Variants in STAU1 observed in about 807,000 individuals in gnomAD.
The protein encoded by STAU1 is staufen double-stranded RNA binding protein 1, also known as double-stranded RNA-binding protein Staufen homolog 1.
Under a neutral mutation model 62.9 loss-of-function variants are expected in STAU1, and 13 were observed. The ratio of observed to expected loss-of-function variants is 0.21; its 90% CI spans 0.13 to 0.33. The LOEUF (loss-of-function observed/expected upper bound fraction) is 0.33. Ranked by LOEUF, STAU1 falls within the 10% of genes least tolerant of loss-of-function variation. STAU1 has a pLI of 1.00. For synonymous variants in STAU1, 269 were observed against 265.1 expected (o/e 1.01, Z -0.14); for missense variants, 571 against 712.1 (o/e 0.80, Z 2.25).
the STAU1 span, among the ~76,000 whole-genome samples, chr20:49,218,870 C>T: frequency 8.6e-4 from 131 of 151,574 alleles, no homozygotes; most frequent in African/African-American, 2.6e-3. Context: ...GGTGAAACTC[C>T]GCCGGGCGTG....
chr20:49,127,312 C>A (rs1279665510), intron 6 of STAU1, among the ~76,000 whole-genome samples: 2 of 152,096 alleles, frequency 1.3e-5, no homozygotes, highest in Non-Finnish European at 2.9e-5. Context: ...TGAGATGGCA[C>A]CACTGCACTC....
At chr20:49,126,588 C>CAAAAAAAAAAACAAAACAAACAA in intron 6 of STAU1, among the ~76,000 whole-genome samples, 2 of 56,344 alleles carry the variant, frequency 3.5e-5, no homozygotes, top group African/African-American at 1.3e-4. Context: ...AAAAAAAAAA[C>CAAAAAAAAAAACAAAACAAACAA]AAAAAAAAAA....
upstream of STAU1, among the ~76,000 whole-genome samples, chr20:49,191,856 G>C (rs911766038): frequency 6.6e-6 from 1 of 151,520 alleles, no homozygotes; most frequent in Admixed American, 6.6e-5. Flanking sequence ...TTCGAGACCA[G>C]CCTGGCCAAC....
chr20:49,156,304 G>A (rs1568895262), intron 3 of STAU1, among the ~76,000 whole-genome samples: 1 of 152,172 alleles, frequency 6.6e-6, no homozygotes, highest in East Asian at 1.9e-4. Context: ...TCCTATGACC[G>A]CCTTTCCAGA....
intron 2 of STAU1, among the ~76,000 whole-genome samples, chr20:49,173,009 A>C (rs2093616804): frequency 6.6e-6 from 1 of 151,482 alleles, no homozygotes. Context: ...CACCTGGCTA[A>C]TGTTTTTTGT....
chr20:49,124,118 T>A (rs2092534776), intron 7 of STAU1, among the ~76,000 whole-genome samples: 1 of 152,194 alleles, frequency 6.6e-6, no homozygotes, highest in Admixed American at 6.5e-5. Flanking sequence ...AATACCCCAC[T>A]GTGATCGCCA....
the STAU1 span, among the ~76,000 whole-genome samples, chr20:49,195,373 T>C: frequency 6.7e-6 from 1 of 149,908 alleles, no homozygotes; most frequent in African/African-American, 2.5e-5. Context: ...CCGTCTCCAC[T>C]AAAAATACAA....
At chr20:49,140,274 A>G (rs185163346) in intron 5 of STAU1, among the ~76,000 whole-genome samples, 99 of 152,290 alleles carry the variant, frequency 6.5e-4, no homozygotes, top group African/African-American at 2.1e-3. Flanking sequence ...AATTAAACAT[A>G]TAATTATTAT....
the STAU1 span, among the ~76,000 whole-genome samples, chr20:49,202,230 A>AAAAAGAAAGAAAG: frequency 6.9e-5 from 9 of 130,390 alleles, no homozygotes; most frequent in African/African-American, 2.0e-4. Flanking sequence ...AAAAAAAAAA[A>AAAAAGAAAGAAAG]AAAGAAAGAA....
chr20:49,196,369 G>A, the STAU1 span, among the ~76,000 whole-genome samples: 2 of 150,964 alleles, frequency 1.3e-5, no homozygotes, highest in Non-Finnish European at 1.5e-5. Context: ...CCCGGGGGGC[G>A]GAGCCTGCAG....
intron 6 of STAU1, chr20:49,134,434 G>GAAAAAAAAAACAAAAAAA (rs2092827072): frequency 2.8e-6 from 1 of 361,966 alleles, no homozygotes; most frequent in Admixed American, 3.7e-5. Flanking sequence ...TCATCTCAGG[G>GAAAAAAAAAACAAAAAAA]AAAAAAAAAA....
At chr20:49,164,358 T>A (rs1339776597) in intron 3 of STAU1, among the ~76,000 whole-genome samples, 4 of 151,092 alleles carry the variant, frequency 2.6e-5, no homozygotes, top group Non-Finnish European at 3.0e-5. Context: ...TGGAATACAG[T>A]GGTATAATTA....
At chr20:49,186,777 G>A (rs116561518) in intron 1 of STAU1, among the ~76,000 whole-genome samples, 92 of 151,970 alleles carry the variant, frequency 6.1e-4, no homozygotes, top group African/African-American at 2.1e-3. Context: ...TGGTAAGCAC[G>A]GATTCCTGAA....
intron 3 of STAU1, among the ~76,000 whole-genome samples, chr20:49,156,716 T>C (rs922479071): frequency 2.6e-5 from 4 of 152,160 alleles, no homozygotes; most frequent in African/African-American, 7.2e-5. Flanking sequence ...AAACCTGACA[T>C]TGACTGTAAT....
intron 3 of STAU1, among the ~76,000 whole-genome samples, chr20:49,165,369 C>T (rs2093509837): frequency 7.0e-6 from 1 of 143,544 alleles, no homozygotes; most frequent in Admixed American, 7.0e-5. Context: ...GAGACAGTGT[C>T]TCCCTCTTGC....
Position 49,145,002 on chromosome 20 carries a change from G to A in STAU1, c.510+6580C>T, listed in dbSNP as rs112390704. ...GATCCAAAAGACCCCTATGATAATT[G>A]TAAGACAGAAAGAGTTTTGCACTAT... On this transcript the variant is annotated intron_variant, in intron 5 of 13. Transcript: ENST00000371856. 1.4e-4 allele frequency among the ~76,000 whole-genome samples: 21 copies of A among 152,308 alleles called. 2 individuals are homozygous for A. Among genetic ancestry groups the A allele is most frequent in the African/African-American group, 5.1e-4 (21 of 41,566 alleles).
rs11473077 is a variant in STAU1 at position 49,125,071 on chromosome 20, T to TAAAAA, written c.610-489_610-485dup. Among the ~76,000 whole-genome samples the TAAAAA allele has an allele frequency of 9.2e-3, 774 of 83,770 alleles. 25 individuals carry two copies. The highest frequency in any genetic ancestry group is 0.022 in the South Asian group (47 of 2,170). The allele number at this position is 83,770 out of a possible 152,430, so 55.0% of individuals were successfully genotyped here. On this transcript the variant is annotated intron_variant, in intron 6 of 13. Coordinates refer to ENST00000371856, the MANE Select transcript of STAU1 (RefSeq NM_017453.4). ...AGAGGGATTCCCCGCACACATTAAG[T>TAAAAA]AAAAAAAAAAAAAAAAAAAACCCAC...
intron 2 of STAU1, among the ~76,000 whole-genome samples, chr20:49,173,370 C>A (rs2093621580): frequency 1.3e-5 from 2 of 152,026 alleles, no homozygotes; most frequent in South Asian, 4.1e-4. Flanking sequence ...GGCAGGAGAA[C>A]TGCTTGAACC....
the STAU1 span, among the ~76,000 whole-genome samples, chr20:49,218,771 G>A: frequency 6.6e-6 from 1 of 151,752 alleles, no homozygotes; most frequent in Non-Finnish European, 1.5e-5. Flanking sequence ...GCTGTGCGCA[G>A]TGGCTCACAC....
Sources: gnomAD v4.1 joint callset for allele counts (sites outside exome capture counted in the v4.1 genomes callset) on GRCh38, gnomAD v4.1.1 for gene constraint, MANE v1.5 for transcripts, NCBI Gene and HGNC (gene_info 2026-07-23, HGNC 2026-07-21) for gene names.